CATSPERT: variants seen among roughly 807,000 people sequenced by gnomAD.
CATSPERT encodes catsper channel auxiliary subunit tau.
chr2:201,541,566 TATATATATATATAA>T, the CATSPERT span, among the ~76,000 whole-genome samples: 5 of 68,918 alleles, frequency 7.3e-5, no homozygotes, highest in Admixed American at 6.6e-4. Flanking sequence ...TATATATATA[TATATATATATATAA>T]AATTTACAAA....
chr2:201,574,294 T>C, the CATSPERT span: 33 of 1,585,688 alleles, frequency 2.1e-5, no homozygotes, highest in East Asian at 7.3e-4. Context: ...ATGTGATAAA[T>C]TTTATTGTTT....
At chr2:201,562,462 C>A in the CATSPERT span, among the ~76,000 whole-genome samples, 1 of 152,068 alleles carries the variant, frequency 6.6e-6, no homozygotes, top group African/African-American at 2.4e-5. Flanking sequence ...GCTGGGACTA[C>A]AGGCGTGAGC....
At chr2:201,544,086 C>T in the CATSPERT span, among the ~76,000 whole-genome samples, 1 of 152,182 alleles carries the variant, frequency 6.6e-6, no homozygotes, top group African/African-American at 2.4e-5. Context: ...TCATTTCCCA[C>T]CTATGAGTGA....
At chr2:201,607,487 T>C in the CATSPERT span, among the ~76,000 whole-genome samples, 1 of 152,180 alleles carries the variant, frequency 6.6e-6, no homozygotes, top group East Asian at 1.9e-4. Flanking sequence ...CCGGCCCCCA[T>C]CTCTACAAAA....
chr2:201,548,844 T>C, the CATSPERT span, among the ~76,000 whole-genome samples: 3 of 152,138 alleles, frequency 2.0e-5, no homozygotes, highest in African/African-American at 4.8e-5. Context: ...AATTTGAGAA[T>C]AGCAGTTGAA....
chr2:201,535,631 G>A, the CATSPERT span: 11 of 1,127,046 alleles, frequency 9.8e-6, no homozygotes, highest in Non-Finnish European at 1.2e-5. Flanking sequence ...TTGTATTACT[G>A]GCATCTCAAA....
chr2:201,576,859 A>G, the CATSPERT span, among the ~76,000 whole-genome samples: 52 of 152,312 alleles, frequency 3.4e-4, no homozygotes, highest in South Asian at 0.011. Context: ...ACATAATTCT[A>G]TATGATAAGC....
the CATSPERT span, among the ~76,000 whole-genome samples, chr2:201,527,189 TA>T: frequency 1.3e-5 from 2 of 152,056 alleles, no homozygotes; most frequent in South Asian, 4.2e-4. Flanking sequence ...TACCTAGAAA[TA>T]CAGCTAACCA....
At chr2:201,600,603 G>A in the CATSPERT span, among the ~76,000 whole-genome samples, 1 of 152,008 alleles carries the variant, frequency 6.6e-6, no homozygotes, top group South Asian at 2.1e-4. Flanking sequence ...ATAAAAAACT[G>A]TCTTCACTAC....
chr2:201,589,572 A>G, the CATSPERT span, among the ~76,000 whole-genome samples: 2 of 152,158 alleles, frequency 1.3e-5, no homozygotes, highest in Non-Finnish European at 2.9e-5. Context: ...TTGAAACTGG[A>G]CCTCTACCTT....
chr2:201,535,501 A>G, the CATSPERT span: 1 of 918,018 alleles, frequency 1.1e-6, no homozygotes, highest in Non-Finnish European at 1.3e-6. Flanking sequence ...TTCCTATAAT[A>G]TAATAGTTTT....
the CATSPERT span, among the ~76,000 whole-genome samples, chr2:201,538,659 CT>C: frequency 6.6e-6 from 1 of 152,082 alleles, no homozygotes; most frequent in African/African-American, 2.4e-5. Flanking sequence ...AGATAGCAAA[CT>C]TTTTTTATAA....
At chr2:201,538,002 A>G in the CATSPERT span, among the ~76,000 whole-genome samples, 4 of 152,024 alleles carry the variant, frequency 2.6e-5, no homozygotes, top group South Asian at 2.1e-4. Context: ...GACTTCGTTC[A>G]GCTCTTTCTT....
the CATSPERT span, among the ~76,000 whole-genome samples, chr2:201,542,633 C>T: frequency 6.6e-6 from 1 of 152,074 alleles, no homozygotes; most frequent in African/African-American, 2.4e-5. Flanking sequence ...TTTTTGTATA[C>T]CCATTGGACA....
the CATSPERT span, chr2:201,494,578 T>G: frequency 6.5e-7 from 1 of 1,537,212 alleles, no homozygotes. Context: ...CCAGGTTGTA[T>G]TAGCAGGTCC....
the CATSPERT span, among the ~76,000 whole-genome samples, chr2:201,513,696 T>C: frequency 1.1e-4 from 17 of 152,280 alleles, no homozygotes; most frequent in Middle Eastern, 0.01. Context: ...CCATCAACAA[T>C]GGACTGGATA....
At chr2:201,612,912 C>G in the CATSPERT span, among the ~76,000 whole-genome samples, 1 of 152,202 alleles carries the variant, frequency 6.6e-6, no homozygotes, top group Non-Finnish European at 1.5e-5. Flanking sequence ...TATCCCATGC[C>G]TGGCTTGGAA....
At chr2:201,533,634 T>C in the CATSPERT span, among the ~76,000 whole-genome samples, 1 of 152,226 alleles carries the variant, frequency 6.6e-6, no homozygotes, top group Non-Finnish European at 1.5e-5. Context: ...CTGAGCTTGA[T>C]GCAGTAATAG....
the CATSPERT span, among the ~76,000 whole-genome samples, chr2:201,548,524 A>G: frequency 6.6e-6 from 1 of 151,954 alleles, no homozygotes; most frequent in African/African-American, 2.4e-5. Flanking sequence ...CCATAACACT[A>G]TATATATATA....
Sources: allele counts gnomAD v4.1 joint callset (sites outside exome capture counted in the v4.1 genomes callset), GRCh38; gene constraint gnomAD v4.1.1; transcripts MANE v1.5; gene names NCBI Gene and HGNC (gene_info 2026-07-23, HGNC 2026-07-21).